The following CHL1 variants were observed in gnomAD, a reference collection of about 807,000 sequenced individuals.
The protein encoded by CHL1 is neural cell adhesion molecule L1-like protein.
A neutral mutation model predicts 141.9 loss-of-function variants in CHL1; 96 were observed. The ratio of observed to expected loss-of-function variants is 0.68; its 90% CI spans 0.57 to 0.80. The LOEUF (loss-of-function observed/expected upper bound fraction) is 0.80, where lower values mean the gene tolerates loss of function less well. CHL1 is among the 30% of genes least tolerant of loss of function. CHL1 has a pLI of 0.00. For synonymous variants in CHL1, 613 were observed against 502.2 expected (o/e 1.22, Z -2.95); for missense variants, 1,820 against 1,457.2 (o/e 1.25, Z -4.05).
At chr3:289,748 A>T (rs1438515411) in intron 2 of CHL1, among the ~76,000 whole-genome samples, 2 of 151,634 alleles carry the variant, frequency 1.3e-5, no homozygotes, top group East Asian at 1.9e-4. Flanking sequence ...TACATATTTT[A>T]TGCTCATTAA....
chr3:222,847 G>A (rs1191291597), intron 1 of CHL1, among the ~76,000 whole-genome samples: 1 of 152,104 alleles, frequency 6.6e-6, no homozygotes, highest in Admixed American at 6.6e-5. Context: ...ATTACTTCCA[G>A]GGAATCATAT....
intron 2 of CHL1, among the ~76,000 whole-genome samples, chr3:319,221 G>A (rs1559247340): frequency 8.6e-6 from 1 of 115,850 alleles, no homozygotes; most frequent in Non-Finnish European, 1.8e-5. Flanking sequence ...TGGACTACTA[G>A]ATGGGGGAGG....
chr3:361,355 G>C (rs1227370746), intron 12 of CHL1, among the ~76,000 whole-genome samples: 1 of 128,526 alleles, frequency 7.8e-6, no homozygotes, highest in African/African-American at 2.8e-5. Flanking sequence ...GGCAACAAAA[G>C]ACAAAATTGA....
chr3:339,814 G>A (rs1559279004), intron 5 of CHL1, among the ~76,000 whole-genome samples: 1 of 152,050 alleles, frequency 6.6e-6, no homozygotes, highest in Non-Finnish European at 1.5e-5. Flanking sequence ...ATATTTCCAA[G>A]AACAATGAAA....
At chr3:351,434 C>A (rs1241602761) in intron 10 of CHL1, among the ~76,000 whole-genome samples, 1 of 152,050 alleles carries the variant, frequency 6.6e-6, no homozygotes, top group Non-Finnish European at 1.5e-5. Flanking sequence ...ACAAATTGAG[C>A]TTAAGAAGTC....
At chr3:395,909 A>G (rs1708629949) in intron 24 of CHL1, among the ~76,000 whole-genome samples, 1 of 152,196 alleles carries the variant, frequency 6.6e-6, no homozygotes, top group Non-Finnish European at 1.5e-5. Flanking sequence ...TTGAAGATGT[A>G]TATTAAAATA....
At chr3:385,783 A>C (rs182634279) in intron 19 of CHL1, 1 of 144,522 alleles carries the variant, frequency 6.9e-6, no homozygotes, top group Non-Finnish European at 1.5e-5. Flanking sequence ...AGTTGAGATC[A>C]TGCCACTACG....
At chr3:371,933 C>T (rs145533949) in intron 15 of CHL1, among the ~76,000 whole-genome samples, 304 of 152,182 alleles carry the variant, frequency 2.0e-3, no homozygotes, top group African/African-American at 6.8e-3. Context: ...GAATATTGGC[C>T]TCCACTCTCT....
intron 1 of CHL1, among the ~76,000 whole-genome samples, chr3:232,433 A>C (rs557239750): frequency 6.6e-6 from 1 of 152,310 alleles, no homozygotes; most frequent in East Asian, 1.9e-4. Flanking sequence ...AATTAAGGTA[A>C]CATTTAGATC....
rs1708726184 is a variant in CHL1 at position 396,959 on chromosome 3, C to G, written c.3095-1268C>G. Among the ~76,000 whole-genome samples the G allele has an allele frequency of 2.0e-5, 3 of 152,136 alleles. No homozygotes were observed. In the South Asian group the frequency reaches 6.2e-4, roughly 31 times the overall value. Reference sequence around the variant, plus strand: ...GAACCTACTGCTATGCATCTTTCTTCTTGCTCTGCCTATATAGCTCATTTC... The same window carrying G: ...GAACCTACTGCTATGCATCTTTCTTGTTGCTCTGCCTATATAGCTCATTTC... On this transcript the variant is annotated intron_variant, in intron 24 of 27. Transcript: ENST00000256509.
chr3:363,448 C>T, intron 14 of CHL1, 65 bp downstream of exon 14: 1 of 1,398,628 alleles, frequency 7.1e-7, no homozygotes, highest in Non-Finnish European at 9.9e-7. Context: ...TTCATTTGCC[C>T]AAATGGAATA....
In CHL1 at chr3:399,813, A is replaced by G. The variant is rs554426494; in HGVS notation, c.3385+665A>G. 2.9e-4 allele frequency among the ~76,000 whole-genome samples: 44 copies of G among 152,310 alleles called. 1 individual carries two copies. In the East Asian group the frequency reaches 6.2e-3, roughly 21 times the overall value. On this transcript the variant is annotated intron_variant, in intron 26 of 27. Coordinates refer to ENST00000256509, the MANE Select transcript of CHL1 (RefSeq NM_006614.4). ...TAGCACGCCTCTCTCTATGCATGAC[A>G]TACATGACTCATATTTTTCGCACTA...
At chr3:352,722 T>A (rs1237369707) in intron 10 of CHL1, among the ~76,000 whole-genome samples, 1 of 152,106 alleles carries the variant, frequency 6.6e-6, no homozygotes, top group Non-Finnish European at 1.5e-5. Flanking sequence ...ATGAAAAGCA[T>A]TAAAGTAAAT....
chr3:256,256 C>T (rs1694157431), intron 2 of CHL1, among the ~76,000 whole-genome samples: 1 of 152,170 alleles, frequency 6.6e-6, no homozygotes, highest in African/African-American at 2.4e-5. Context: ...TATTCTGGCA[C>T]TTCATGAAAT....
At chr3:279,934 A>AT (rs548943883) in intron 2 of CHL1, among the ~76,000 whole-genome samples, 1 of 152,150 alleles carries the variant, frequency 6.6e-6, no homozygotes, top group South Asian at 2.1e-4. Context: ...ACAAGCATTT[A>AT]TTTTTTCATC....
intron 2 of CHL1, among the ~76,000 whole-genome samples, chr3:287,298 C>G (rs560228967): frequency 6.6e-6 from 1 of 152,242 alleles, no homozygotes; most frequent in South Asian, 2.1e-4. Flanking sequence ...GTTCACCACT[C>G]CCTCTCTAGA....
At chr3:322,430 G>C (rs925621590) in intron 3 of CHL1, among the ~76,000 whole-genome samples, 2 of 151,514 alleles carry the variant, frequency 1.3e-5, no homozygotes, top group African/African-American at 2.4e-5. Context: ...CATCCAGATG[G>C]TCTGTGAGAT....
chr3:198,175 G>T lies in CHL1; in HGVS notation c.-175+1112G>T, dbSNP rs563963477. ...GGGCGGGAAGGCGGGCGGGGAAGGG[G>T]TGGGAGGCCGGCGGCGGAGGGCAGG... On this transcript the variant is annotated intron_variant, in intron 1 of 27. Coordinates refer to ENST00000256509, the MANE Select transcript of CHL1 (RefSeq NM_006614.4). The T allele has an allele frequency of 2.6e-5, 5 of 195,236 alleles. No homozygotes were observed. In the South Asian group the frequency reaches 3.8e-4, roughly 15 times the overall value. The allele number at this position is 195,236 out of a possible 1,614,324, so 12.1% of individuals were successfully genotyped here.
intron 2 of CHL1, among the ~76,000 whole-genome samples, chr3:248,981 G>C (rs564126336): frequency 9.2e-5 from 14 of 152,304 alleles, no homozygotes; most frequent in Middle Eastern, 6.8e-3. Flanking sequence ...CCAATGAAAG[G>C]AGAAAATTGT....
Sources: gnomAD v4.1 joint callset for allele counts (sites outside exome capture counted in the v4.1 genomes callset) on GRCh38, gnomAD v4.1.1 for gene constraint, MANE v1.5 for transcripts, NCBI Gene and HGNC (gene_info 2026-07-23, HGNC 2026-07-21) for gene names.